Variants in SH3BGRL2 observed in about 807,000 individuals in gnomAD.
The protein encoded by SH3BGRL2 is SH3 domain-binding glutamic acid-rich-like protein 2.
In SH3BGRL2, 21 loss-of-function variants were observed where a neutral mutation model predicts 14.8. The ratio of observed to expected loss-of-function variants is 1.42; its 90% CI spans 1.01 to 2.05. The LOEUF (loss-of-function observed/expected upper bound fraction) is 2.05. Among genes scored for constraint, SH3BGRL2 ranks in the 30% most tolerant of loss-of-function variants. SH3BGRL2 has a pLI of 0.00. For synonymous variants in SH3BGRL2, 50 were observed against 47.8 expected (o/e 1.05, Z -0.19); for missense variants, 147 against 130.8 (o/e 1.12, Z -0.61).
the SH3BGRL2 span, among the ~76,000 whole-genome samples, chr6:79,607,064 A>G: frequency 6.6e-6 from 1 of 152,134 alleles, no homozygotes; most frequent in Non-Finnish European, 1.5e-5. Context: ...CTTTTCCCCC[A>G]GCAATAGTTT....
intron 2 of SH3BGRL2, among the ~76,000 whole-genome samples, chr6:79,689,596 C>T (rs1268785070): frequency 2.0e-5 from 3 of 151,996 alleles, no homozygotes. Flanking sequence ...CCCTGTTGCT[C>T]AGGCTGGAGT....
At chr6:79,616,706 A>G in the SH3BGRL2 span, among the ~76,000 whole-genome samples, 115 of 152,338 alleles carry the variant, frequency 7.5e-4, 2 homozygotes, top group East Asian at 0.021. Context: ...TCACTGTGTT[A>G]GGACCATACC....
chr6:79,678,817 T>C (rs1430552657), intron 2 of SH3BGRL2, among the ~76,000 whole-genome samples: 1 of 152,198 alleles, frequency 6.6e-6, no homozygotes. Flanking sequence ...TTGCATTTTA[T>C]GTCTATGGGT....
chr6:79,638,431 A>G (rs1373027667), intron 1 of SH3BGRL2, among the ~76,000 whole-genome samples: 2 of 152,178 alleles, frequency 1.3e-5, no homozygotes, highest in Non-Finnish European at 2.9e-5. Flanking sequence ...TACCTTTTTA[A>G]TACACTGATT....
At chr6:79,686,106 T>C (rs1026720717) in intron 2 of SH3BGRL2, among the ~76,000 whole-genome samples, 2 of 152,222 alleles carry the variant, frequency 1.3e-5, no homozygotes, top group African/African-American at 4.8e-5. Context: ...TTTGTATTGA[T>C]TGGAAGACTT....
the SH3BGRL2 span, among the ~76,000 whole-genome samples, chr6:79,540,236 C>T: frequency 6.6e-6 from 1 of 151,904 alleles, no homozygotes; most frequent in African/African-American, 2.4e-5. Context: ...AGATCAAGAC[C>T]ATCCTGGCTA....
In SH3BGRL2 at chr6:79,631,461, G is replaced by T. The variant is rs780699821; in HGVS notation, c.-1G>T. 6.4e-5 allele frequency: 97 copies of T among 1,517,580 alleles called. No homozygotes were observed. The Admixed American group carries it at 2.0e-3, about 32-fold the overall frequency. The allele number at this position is 1,517,580 out of a possible 1,614,324, so 94.0% of individuals were successfully genotyped here. The stretch of plus-strand genomic sequence containing the variant: ...GGGTCTGTCCCGGGCGCAGCGAGAG[G>T]ATGGTCATCCGCGTGTTCATCGCCT... On this transcript the variant is annotated 5_prime_UTR_variant, in exon 1 of 4. Transcript: ENST00000369838.
chr6:79,620,706 G>T, the SH3BGRL2 span, among the ~76,000 whole-genome samples: 235 of 152,168 alleles, frequency 1.5e-3, 1 homozygote, highest in East Asian at 0.023. Flanking sequence ...GGGGAAGAGG[G>T]AGAGAAGAGA....
chr6:79,558,630 C>T, the SH3BGRL2 span, among the ~76,000 whole-genome samples: 3 of 151,642 alleles, frequency 2.0e-5, no homozygotes, highest in South Asian at 2.1e-4. Flanking sequence ...TTTGGGAGGC[C>T]GAGGAGGGCA....
At chr6:79,623,955 T>C in the SH3BGRL2 span, among the ~76,000 whole-genome samples, 1 of 152,234 alleles carries the variant, frequency 6.6e-6, no homozygotes, top group Non-Finnish European at 1.5e-5. Flanking sequence ...TTAAATGGCC[T>C]TTATGCCTAG....
At chr6:79,647,717 T>C (rs2127725402) in intron 1 of SH3BGRL2, among the ~76,000 whole-genome samples, 1 of 152,276 alleles carries the variant, frequency 6.6e-6, no homozygotes, top group South Asian at 2.1e-4. Flanking sequence ...TAGCAAATCT[T>C]GAATTGGGAA....
the SH3BGRL2 span, among the ~76,000 whole-genome samples, chr6:79,563,406 C>T: frequency 1.3e-5 from 2 of 152,040 alleles, no homozygotes; most frequent in African/African-American, 4.8e-5. Flanking sequence ...GCCACAGCGC[C>T]CCGCCTAGCT....
chr6:79,614,358 G>T, the SH3BGRL2 span, among the ~76,000 whole-genome samples: 1 of 152,112 alleles, frequency 6.6e-6, no homozygotes, highest in African/African-American at 2.4e-5. Flanking sequence ...TGAGGAAGAG[G>T]CAGAGGCCTG....
chr6:79,693,247 G>A (rs916730454), intron 2 of SH3BGRL2, among the ~76,000 whole-genome samples: 7 of 152,176 alleles, frequency 4.6e-5, no homozygotes, highest in African/African-American at 1.7e-4. Context: ...TCAGCTGAAG[G>A]AGATTTTGGG....
intron 2 of SH3BGRL2, among the ~76,000 whole-genome samples, chr6:79,693,143 A>G (rs1469677801): frequency 2.0e-5 from 3 of 152,064 alleles, no homozygotes; most frequent in South Asian, 2.1e-4. Flanking sequence ...TTCACTCATG[A>G]TTTGGCTCTC....
At chr6:79,550,961 A>C in the SH3BGRL2 span, among the ~76,000 whole-genome samples, 1 of 152,208 alleles carries the variant, frequency 6.6e-6, no homozygotes, top group South Asian at 2.1e-4. Context: ...AAAACCAGCG[A>C]AGATTTTCTA....
chr6:79,678,065 TTCTC>T (rs554375721), intron 2 of SH3BGRL2, among the ~76,000 whole-genome samples: 24 of 152,068 alleles, frequency 1.6e-4, no homozygotes, highest in Admixed American at 7.2e-4. Context: ...TTCATTTCTT[TTCTC>T]TCTCTCTCTA....
intron 2 of SH3BGRL2, among the ~76,000 whole-genome samples, chr6:79,689,534 G>C (rs1770167017): frequency 6.6e-6 from 1 of 152,008 alleles, no homozygotes; most frequent in Non-Finnish European, 1.5e-5. Context: ...CTCTGCATGA[G>C]AGAAAATGTT....
intron 1 of SH3BGRL2, among the ~76,000 whole-genome samples, chr6:79,643,349 A>G (rs1472011327): frequency 6.6e-6 from 1 of 152,122 alleles, no homozygotes; most frequent in Non-Finnish European, 1.5e-5. Context: ...TGCTATCGCA[A>G]CAAGCATGCT....
Sources: gnomAD v4.1 joint callset for allele counts (sites outside exome capture counted in the v4.1 genomes callset) on GRCh38, gnomAD v4.1.1 for gene constraint, MANE v1.5 for transcripts, NCBI Gene and HGNC (gene_info 2026-07-23, HGNC 2026-07-21) for gene names.